Variants in ARHGEF17 observed in about 807,000 individuals in gnomAD.
ARHGEF17 encodes the protein 164 kDa Rho-specific guanine-nucleotide exchange factor.
A neutral mutation model predicts 174.0 loss-of-function variants in ARHGEF17; 80 were observed. The ratio of observed to expected loss-of-function variants is 0.46; its 90% CI spans 0.38 to 0.55. The LOEUF (loss-of-function observed/expected upper bound fraction) is 0.55, where lower values mean the gene tolerates loss of function less well. ARHGEF17 is among the 20% of genes least tolerant of loss of function. The pLI, the probability that ARHGEF17 is intolerant of heterozygous loss-of-function variation, is 0.00. For synonymous variants in ARHGEF17, 1,311 were observed against 1,189.1 expected (o/e 1.10, Z -2.11); for missense variants, 2,886 against 2,839.7 (o/e 1.02, Z -0.37).
chr11:73,353,975 C>T (rs1277895169), intron 3 of ARHGEF17, among the ~76,000 whole-genome samples: 1 of 152,150 alleles, frequency 6.6e-6, no homozygotes, highest in African/African-American at 2.4e-5. Flanking sequence ...TAGCCAAATG[C>T]AAACTAAATG....
At chr11:73,321,728 T>C (rs2135790671) in intron 1 of ARHGEF17, among the ~76,000 whole-genome samples, 1 of 152,342 alleles carries the variant, frequency 6.6e-6, no homozygotes, top group Non-Finnish European at 1.5e-5. Context: ...CTGGGTTCTT[T>C]TCCAAGAGTC....
At chr11:73,314,069 T>C (rs1014544501) in intron 1 of ARHGEF17, among the ~76,000 whole-genome samples, 1 of 152,224 alleles carries the variant, frequency 6.6e-6, no homozygotes, top group Non-Finnish European at 1.5e-5. Flanking sequence ...TCATAAAGCC[T>C]GGAAGTTCTC....
Position 73,310,042 on chromosome 11 carries a change from C to A in ARHGEF17, c.1404C>A (p.Ala468=). 1.2e-6 allele frequency: 2 copies of A among 1,614,212 alleles called. No homozygotes were observed. Among genetic ancestry groups the A allele is most frequent in the Non-Finnish European group, 1.7e-6 (2 of 1,180,024 alleles). ...AGTCCCTGTCAAATCCAGATATCGC[C>A]TCAGAGACCCTGACGCTTCTCAGTT... is the stretch of plus-strand genomic sequence containing the variant. The part of the protein sequence containing the change: ...QRKSLSNPDI[A]SETLTLLSFL... Residue 468 remains alanine, a synonymous_variant, in exon 1 of 21, where the codon GCC becomes GCA. Coordinates refer to ENST00000263674, the MANE Select transcript of ARHGEF17 (RefSeq NM_014786.4).
intron 2 of ARHGEF17, among the ~76,000 whole-genome samples, chr11:73,351,068 G>A (rs1865544811): frequency 1.3e-5 from 2 of 152,316 alleles, no homozygotes; most frequent in South Asian, 4.1e-4. Context: ...CCTGAGGTGA[G>A]CGGTTTAGCT....
chr11:73,360,223 T>TG, intron 10 of ARHGEF17, 97 bp from the exon 11 acceptor site: 2 of 1,348,134 alleles, frequency 1.5e-6, no homozygotes, highest in Non-Finnish European at 2.1e-6. Context: ...CAGTCTCACT[T>TG]GCTGTCTAAG....
chr11:73,330,951 C>T (rs1446028192), intron 1 of ARHGEF17, among the ~76,000 whole-genome samples: 1 of 152,214 alleles, frequency 6.6e-6, no homozygotes, highest in Non-Finnish European at 1.5e-5. Context: ...GGGGCAGGCC[C>T]TCTGCCAGCC....
rs1865868039 is a variant in ARHGEF17, at chr11:73,367,863, C to T, written c.*83C>T. The T allele has an allele frequency of 2.2e-6, 3 of 1,395,208 alleles. No homozygotes were observed. The highest frequency in any genetic ancestry group is 2.0e-6 in the Non-Finnish European group (2 of 1,022,714). 86.4% of individuals were successfully genotyped at this position (1,395,208 alleles called of 1,614,324 possible). On this transcript the variant is annotated 3_prime_UTR_variant, in exon 21 of 21. Coordinates refer to ENST00000263674, the MANE Select transcript of ARHGEF17 (RefSeq NM_014786.4). ...TCCCTAGCCCACACGCAGACTTTGACCAGGAGTATCCAGCCAGGGGCACAC... is the reference window on the plus strand; with the variant it reads ...TCCCTAGCCCACACGCAGACTTTGATCAGGAGTATCCAGCCAGGGGCACAC...
In ARHGEF17 at chr11:73,365,985, G is replaced by T. The variant is rs770093364; in HGVS notation, c.5995+38G>T. 6.3e-7 allele frequency: 1 copy of T among 1,579,628 alleles called. No homozygotes were observed. The highest frequency in any genetic ancestry group is 8.6e-7 in the Non-Finnish European group (1 of 1,165,262). ...ATCATACCCCAAGCTAGGGATCATG[G>T]ACATTTGGTTTAGGACTCCCCACTA... On this transcript the variant is annotated intron_variant, in intron 20 of 20. Transcript: ENST00000263674. This position sits in a 1 kb window ranked among gnomAD's most constrained non-coding sequence, Gnocchi z 4.9.
chr11:73,362,238 C>G lies in ARHGEF17; in HGVS notation c.4693C>G (p.Arg1565Gly), dbSNP rs763229855. 27 of 1,533,600 alleles carry G rather than the reference C, an allele frequency of 1.8e-5. No individual in the cohort carries two copies. Among genetic ancestry groups the G allele is most frequent in the Middle Eastern group, 3.9e-4 (2 of 5,064 alleles). The allele number at this position is 1,533,600 out of a possible 1,614,324, so 95.0% of individuals were successfully genotyped here. Residue 1565 changes from arginine (R) to glycine (G), a missense_variant and splice_region_variant, in exon 13 of 21, where the codon CGG (arginine) becomes GGG (glycine). This residue lies in a region of ARHGEF17 where 476 missense variants were observed against 473.1 expected (regional missense o/e 1.01). Coordinates refer to ENST00000263674, the MANE Select transcript of ARHGEF17 (RefSeq NM_014786.4). ...GCCCGGGCTGCAGCCTCGCTGCCACCGGTGAGGCCTGGGCGGCGGGGTGGG... is the reference window on the plus strand; with the variant it reads ...GCCCGGGCTGCAGCCTCGCTGCCACGGGTGAGGCCTGGGCGGCGGGGTGGG... ...AVPGLQPRCH[R>G]EPPPSLRSPP...
rs1182221720 is a variant in ARHGEF17, at chr11:73,362,252, C to T, written c.4694+13C>T. 1.8e-5 allele frequency: 27 copies of T among 1,508,770 alleles called. No homozygotes were observed. The highest frequency in any genetic ancestry group is 2.3e-5 in the Non-Finnish European group (26 of 1,134,206). The allele number at this position is 1,508,770 out of a possible 1,614,324, so 93.5% of individuals were successfully genotyped here. A position where few individuals can be genotyped will look rare whatever the true frequency, so the allele number is the denominator to read the frequency against. ...CTCGCTGCCACCGGTGAGGCCTGGG[C>T]GGCGGGGTGGGCGGCACCGCGGGCC... On this transcript the variant is annotated intron_variant, in intron 13 of 20. Coordinates refer to ENST00000263674, the MANE Select transcript of ARHGEF17 (RefSeq NM_014786.4).
intron 7 of ARHGEF17, 61 bp downstream of exon 7, chr11:73,356,820 G>A (rs893912324): frequency 1.1e-4 from 175 of 1,608,146 alleles, no homozygotes; most frequent in South Asian, 7.8e-4. Flanking sequence ...CCTCTCTTCT[G>A]CTCACACCCT....
chr11:73,328,242 A>G (rs1463201867), intron 1 of ARHGEF17, among the ~76,000 whole-genome samples: 1 of 152,190 alleles, frequency 6.6e-6, no homozygotes, highest in Non-Finnish European at 1.5e-5. Flanking sequence ...GGAGTTCCCC[A>G]CGGGCAGCTG....
rs1292876055 is a variant in ARHGEF17 at position 73,357,449 on chromosome 11, C to G, written c.4087+122C>G. 1.3e-5 allele frequency: 12 copies of G among 897,990 alleles called. No individual in the cohort carries two copies. The East Asian group carries it at 3.2e-4, about 24-fold the overall frequency. The allele number at this position is 897,990 out of a possible 1,614,324, so 55.6% of individuals were successfully genotyped here. A position where few individuals can be genotyped will look rare whatever the true frequency, so the allele number is the denominator to read the frequency against. On this transcript the variant is annotated intron_variant, in intron 9 of 20. Transcript: ENST00000263674. Reference sequence around the variant, plus strand: ...TGCTTTTCCACTTTTGGGCCTCGCTCTCTCATCCAGTGCAAGGGGGCTGGC... The same window carrying G: ...TGCTTTTCCACTTTTGGGCCTCGCTGTCTCATCCAGTGCAAGGGGGCTGGC...
rs1406455724 is a variant in ARHGEF17, at chr11:73,369,351, T to C, written c.*1571T>C. 3 of 152,360 alleles carry C rather than the reference T, an allele frequency of 2.0e-5. No individual in the cohort carries two copies. Among genetic ancestry groups the C allele is most frequent in the South Asian group, 2.1e-4 (1 of 4,830 alleles). The allele number at this position is 152,360 out of a possible 1,614,324, so 9.4% of individuals were successfully genotyped here. A position where few individuals can be genotyped will look rare whatever the true frequency, so the allele number is the denominator to read the frequency against. On this transcript the variant is annotated 3_prime_UTR_variant, in exon 21 of 21. Transcript: ENST00000263674. ...ATGGTAGAATCCCTTGCAGATGACA[T>C]GTAAATGCAGAAACATGATTCGTAA...
chr11:73,365,464 G>A lies in ARHGEF17; in HGVS notation c.5625G>A (p.Val1875=), dbSNP rs756644529. 3.1e-6 allele frequency: 5 copies of A among 1,614,072 alleles called. No individual in the cohort carries two copies. Among genetic ancestry groups the A allele is most frequent in the Admixed American group, 3.3e-5 (2 of 60,026 alleles). The change falls in exon 19 of 21, where the codon GTG becomes GTA. Residue 1875 remains valine, a synonymous_variant. Transcript: ENST00000263674. The surrounding 1 kb of genome is among the most constrained non-coding windows in gnomAD (Gnocchi z 4.9). ...CMVDSSLGVW[V]TLKGSAHVCL... Reference sequence around the variant, plus strand: ...TGGACTCCAGCCTGGGTGTGTGGGTGACATTGAAAGGTAGTGCCCACGTGT... The same window carrying A: ...TGGACTCCAGCCTGGGTGTGTGGGTAACATTGAAAGGTAGTGCCCACGTGT...
At position 73,365,803 on chromosome 11, in the gene ARHGEF17, G is replaced by T. The variant is rs767238017; in HGVS notation, c.5851G>T (p.Gly1951Cys). ...CGTCCTCACCATGCCCACTTCGCCC[G>T]GTACTGTCAGCTGCCCACGGGCACC... ...GVVLTMPTSPGTVSCPRAPLS... is the reference protein window; with the variant it reads ...GVVLTMPTSPCTVSCPRAPLS... Residue 1951 changes from glycine to cysteine, a missense_variant, in exon 20 of 21, where the codon GGT becomes TGT. Gly to Cys is a radical substitution (Grantham distance 159). This residue lies in a region of ARHGEF17 where 329 missense variants were observed against 435.2 expected (regional missense o/e 0.76). Coordinates refer to ENST00000263674, the MANE Select transcript of ARHGEF17 (RefSeq NM_014786.4). This position sits in a 1 kb window ranked among gnomAD's most constrained non-coding sequence, Gnocchi z 4.9. 1 of 1,613,432 alleles carries T rather than the reference G, an allele frequency of 6.2e-7. No individual in the cohort carries two copies. Among genetic ancestry groups the T allele is most frequent in the African/African-American group, 1.3e-5 (1 of 74,918 alleles).
At chr11:73,313,029 C>T (rs947097616) in intron 1 of ARHGEF17, among the ~76,000 whole-genome samples, 2 of 152,152 alleles carry the variant, frequency 1.3e-5, no homozygotes, top group Admixed American at 6.5e-5. Context: ...GCCTGCGCTC[C>T]CACTGCGCTC....
rs528335962 is a variant in ARHGEF17 at position 73,341,921 on chromosome 11, C to A, written c.3193-4962C>A. On this transcript the variant is annotated intron_variant, in intron 1 of 20. Coordinates refer to ENST00000263674, the MANE Select transcript of ARHGEF17 (RefSeq NM_014786.4). ...GTTGGCCAGGGCTGAGGCACAGCTG[C>A]AGGGTGCTTCAGAGCCCCCCCATCT... 7.2e-5 allele frequency among the ~76,000 whole-genome samples: 11 copies of A among 152,312 alleles called. No homozygotes were observed. The East Asian group carries it at 1.9e-3, about 27-fold the overall frequency.
Position 73,365,939 on chromosome 11 carries a change from C to T in ARHGEF17, c.5987C>T (p.Pro1996Leu). The T allele has an allele frequency of 6.2e-7, 1 of 1,601,988 alleles. No homozygotes were observed. The highest frequency in any genetic ancestry group is 8.5e-7 in the Non-Finnish European group (1 of 1,178,756). Residue 1996 changes from proline to leucine, a missense_variant, in exon 20 of 21, where the codon CCA (proline) becomes CTA (leucine). Around this residue, in one of 4 missense-constraint regions of ARHGEF17, gnomAD observed 329 missense variants for 435.2 expected, o/e 0.76. Transcript: ENST00000263674. The surrounding 1 kb of genome is among the most constrained non-coding windows in gnomAD (Gnocchi z 4.9). ...NLLCPTPPPP[P>L]DTGPEKLPSL... ...CTCTGCCCAACCCCACCACCTCCCC[C>T]AGACACAGGTGGGTCAGTGCATCAT...
Sources: gnomAD v4.1 joint callset for allele counts (sites outside exome capture counted in the v4.1 genomes callset) on GRCh38, gnomAD v4.1.1 for gene constraint, gnomAD v4.1.1 regional missense constraint, Gnocchi (gnomAD v3.1) non-coding constraint, MANE v1.5 for transcripts, NCBI Gene and HGNC (gene_info 2026-07-23, HGNC 2026-07-21) for gene names.